Variants in ST3GAL2 observed in about 807,000 individuals in gnomAD.
ST3GAL2 encodes the protein CMP-N-acetylneuraminate-beta-galactosamide-alpha-2,3-sialyltransferase 2.
In ST3GAL2, 16 loss-of-function variants were observed where a neutral mutation model predicts 37.5. The observed-to-expected ratio is 0.43, with a 90% CI of 0.29 to 0.65. ST3GAL2 has a LOEUF of 0.65. Ranked by LOEUF, ST3GAL2 falls within the 30% of genes least tolerant of loss-of-function variation. ST3GAL2 has a pLI of 0.17. For missense variants in ST3GAL2, 383 were observed against 487.8 expected (o/e 0.79, Z 2.02); for synonymous variants, 238 against 202.9 (o/e 1.17, Z -1.47).
In ST3GAL2 at chr16:70,398,663, G is replaced by A; in HGVS notation, c.-133C>T. The A allele has an allele frequency of 1.2e-6, 1 of 836,816 alleles. No individual in the cohort carries two copies. Among genetic ancestry groups the A allele is most frequent in the African/African-American group, 1.7e-5 (1 of 58,518 alleles). 51.8% of individuals were successfully genotyped at this position (836,816 alleles called of 1,614,324 possible). On this transcript the variant is annotated 5_prime_UTR_variant, in exon 2 of 7. Coordinates refer to ENST00000342907, the MANE Select transcript of ST3GAL2 (RefSeq NM_006927.4). ...GGGGCACGTGCTGCAGCAGGGGACAGTGGCAGGGGTCCCTTGCCACGCCCT... is the reference window on the plus strand; with the variant it reads ...GGGGCACGTGCTGCAGCAGGGGACAATGGCAGGGGTCCCTTGCCACGCCCT...
chr16:70,389,302 T>C (rs958667274), intron 3 of ST3GAL2, among the ~76,000 whole-genome samples: 5 of 151,198 alleles, frequency 3.3e-5, no homozygotes, highest in African/African-American at 7.3e-5. Context: ...ATTTATTTAC[T>C]TTTAATTATT....
At chr16:70,429,584 G>C (rs1218889899) in intron 1 of ST3GAL2, among the ~76,000 whole-genome samples, 3 of 87,550 alleles carry the variant, frequency 3.4e-5, no homozygotes, top group African/African-American at 2.6e-4. Context: ...GCAAGACTCT[G>C]TCTCAAAAAA....
At chr16:70,414,902 C>T (rs2047664978) in intron 1 of ST3GAL2, among the ~76,000 whole-genome samples, 1 of 151,764 alleles carries the variant, frequency 6.6e-6, no homozygotes, top group Admixed American at 6.6e-5. Flanking sequence ...GAGACGGAGT[C>T]TCACTCTGTC....
Position 70,381,540 on chromosome 16 carries a change from C to A in ST3GAL2, c.*149G>T. ...GACCGCAGCGCAGATTGGTGCCAGG[C>A]CCGGCCGGTCCCCCAGTCTCGTGAT... On this transcript the variant is annotated 3_prime_UTR_variant, in exon 7 of 7. Transcript: ENST00000342907. The A allele has an allele frequency of 1.1e-6, 1 of 939,988 alleles. No individual in the cohort carries two copies. Among genetic ancestry groups the A allele is most frequent in the Admixed American group, 2.9e-5 (1 of 34,536 alleles). The allele number at this position is 939,988 out of a possible 1,614,324, so 58.2% of individuals were successfully genotyped here. A position where few individuals can be genotyped will look rare whatever the true frequency, so the allele number is the denominator to read the frequency against.
intron 1 of ST3GAL2, among the ~76,000 whole-genome samples, chr16:70,417,516 A>G (rs892363889): frequency 2.6e-5 from 4 of 152,248 alleles, no homozygotes; most frequent in Non-Finnish European, 5.9e-5. Context: ...TGCAGAGCAG[A>G]GGCCTGACCT....
intron 1 of ST3GAL2, among the ~76,000 whole-genome samples, chr16:70,413,912 A>T (rs2047657623): frequency 6.6e-6 from 1 of 152,048 alleles, no homozygotes; most frequent in African/African-American, 2.4e-5. Flanking sequence ...GTTATCCCAA[A>T]TTTCTGCTTC....
intron 1 of ST3GAL2, among the ~76,000 whole-genome samples, chr16:70,410,883 C>T (rs1210023513): frequency 6.8e-6 from 1 of 146,542 alleles, no homozygotes; most frequent in African/African-American, 2.5e-5. Flanking sequence ...AGCGGCCACT[C>T]TCTTTTTCGC....
Position 70,425,988 on chromosome 16 carries a change from CCCA to C in ST3GAL2, c.-1004+12958_-1004+12960del, listed in dbSNP as rs1347164803. Among the ~76,000 whole-genome samples the C allele has an allele frequency of 2.6e-5, 4 of 152,224 alleles. No individual in the cohort carries two copies. In the East Asian group the frequency reaches 7.7e-4, roughly 29 times the overall value. ...CTGGGGTGGCCTGGAGTAAACACTG[CCCA>C]CCATCAGAGTCCCCCAACCACAGGG... is the stretch of plus-strand genomic sequence containing the variant. On this transcript the variant is annotated intron_variant, in intron 1 of 6. Coordinates refer to ENST00000342907, the MANE Select transcript of ST3GAL2 (RefSeq NM_006927.4).
At chr16:70,419,911 G>A (rs1454404923) in intron 1 of ST3GAL2, among the ~76,000 whole-genome samples, 1 of 152,036 alleles carries the variant, frequency 6.6e-6, no homozygotes, top group Non-Finnish European at 1.5e-5. Flanking sequence ...GACAGCAACA[G>A]TCCAGGCTGC....
Position 70,394,716 on chromosome 16 carries a change from TA to T in ST3GAL2, c.533+265del, listed in dbSNP as rs1340467124. Among the ~76,000 whole-genome samples the T allele has an allele frequency of 2.6e-5, 4 of 152,306 alleles. No individual in the cohort carries two copies. In the South Asian group the frequency reaches 8.3e-4, roughly 32 times the overall value. ...TTCACCAAACAATCAGCCAGGAATC[TA>T]ATGTCAGCTCTTTCCAGAGGAATTC... On this transcript the variant is annotated intron_variant, in intron 3 of 6. Coordinates refer to ENST00000342907, the MANE Select transcript of ST3GAL2 (RefSeq NM_006927.4).
At chr16:70,392,662 G>A (rs924807157) in intron 3 of ST3GAL2, among the ~76,000 whole-genome samples, 2 of 152,244 alleles carry the variant, frequency 1.3e-5, no homozygotes, top group Non-Finnish European at 1.5e-5. Context: ...GAGGTGGGTG[G>A]GGCACAGGTG....
Position 70,379,551 on chromosome 16 carries a change from AAAGT to A in ST3GAL2, c.*2134_*2137del, listed in dbSNP as rs1184889368. The A allele has an allele frequency of 1.3e-5, 2 of 152,200 alleles. No individual in the cohort carries two copies. The highest frequency in any genetic ancestry group is 4.8e-5 in the African/African-American group (2 of 41,430). 9.4% of individuals were successfully genotyped at this position (152,200 alleles called of 1,614,324 possible). On this transcript the variant is annotated 3_prime_UTR_variant, in exon 7 of 7. Transcript: ENST00000342907. ...TAATTCAGAAAGGGAAGGAAATAAA[AAAGT>A]GTGTTTAAATTACTATTGCAGAAAA...
intron 2 of ST3GAL2, among the ~76,000 whole-genome samples, chr16:70,396,518 C>G (rs981020770): frequency 3.3e-5 from 5 of 151,986 alleles, no homozygotes; most frequent in Non-Finnish European, 7.4e-5. Flanking sequence ...GTGGGAGGAT[C>G]GCTCGAGCCT....
At chr16:70,429,588 C>CAAAAAAA (rs1173306093) in intron 1 of ST3GAL2, among the ~76,000 whole-genome samples, 18 of 36,062 alleles carry the variant, frequency 5.0e-4, no homozygotes, top group African/African-American at 1.7e-3. Context: ...GACTCTGTCT[C>CAAAAAAA]AAAAAAAAAA....
chr16:70,418,482 G>GT (rs1485335523), intron 1 of ST3GAL2, among the ~76,000 whole-genome samples: 1 of 152,194 alleles, frequency 6.6e-6, no homozygotes, highest in Non-Finnish European at 1.5e-5. Context: ...GGCGGAGCTG[G>GT]TGACAGGAAT....
chr16:70,394,358 G>A (rs1357285103), intron 3 of ST3GAL2, among the ~76,000 whole-genome samples: 1 of 152,112 alleles, frequency 6.6e-6, no homozygotes, highest in East Asian at 1.9e-4. Context: ...AGGGGATGAG[G>A]AGGACAGGGC....
chr16:70,409,886 C>A (rs570469855), intron 1 of ST3GAL2, among the ~76,000 whole-genome samples: 3 of 151,092 alleles, frequency 2.0e-5, no homozygotes, highest in Non-Finnish European at 4.4e-5. Context: ...AGACTCCTGC[C>A]TCAGCCTCCC....
chr16:70,438,508 G>A (rs1015624195), intron 1 of ST3GAL2, among the ~76,000 whole-genome samples: 1 of 152,182 alleles, frequency 6.6e-6, no homozygotes, highest in African/African-American at 2.4e-5. Context: ...AGAGGAAAGA[G>A]GAGCTGATGG....
At chr16:70,426,002 C>T (rs563037927) in intron 1 of ST3GAL2, among the ~76,000 whole-genome samples, 4 of 152,246 alleles carry the variant, frequency 2.6e-5, no homozygotes, top group South Asian at 4.1e-4. Flanking sequence ...CCATCAGAGT[C>T]CCCCAACCAC....
Sources: allele counts gnomAD v4.1 joint callset (sites outside exome capture counted in the v4.1 genomes callset), GRCh38; gene constraint gnomAD v4.1.1; transcripts MANE v1.5; gene names NCBI Gene and HGNC (gene_info 2026-07-23, HGNC 2026-07-21).